RHD: variants seen among roughly 807,000 people sequenced by gnomAD.
RHD encodes Rh blood group D antigen.
A neutral mutation model predicts 45.5 loss-of-function variants in RHD; 16 were observed. The ratio of observed to expected loss-of-function variants is 0.35; its 90% CI spans 0.24 to 0.53. The LOEUF is 0.53. RHD is among the 20% of genes least tolerant of loss of function. RHD has a pLI of 0.92. For missense variants in RHD, 306 were observed against 532.0 expected (o/e 0.58, Z 4.18); for synonymous variants, 131 against 217.5 (o/e 0.60, Z 3.50).
intron 6 of RHD, among the ~76,000 whole-genome samples, chr1:25,304,998 T>C (rs1643685777): frequency 7.5e-6 from 1 of 132,524 alleles, no homozygotes; most frequent in Non-Finnish European, 1.8e-5. Context: ...ATTCAACACA[T>C]ACGTTTTAAC....
intron 1 of RHD, among the ~76,000 whole-genome samples, chr1:25,277,917 A>C (rs889702958): frequency 1.5e-5 from 2 of 132,476 alleles, no homozygotes; most frequent in African/African-American, 5.1e-5. Context: ...CAGGTGATGC[A>C]CCCGCCTTGG....
At chr1:25,305,794 G>T (rs1432966881) in intron 6 of RHD, among the ~76,000 whole-genome samples, 1 of 130,396 alleles carries the variant, frequency 7.7e-6, no homozygotes, top group Non-Finnish European at 1.8e-5. Context: ...TAGAGACGGG[G>T]TTTCACCATG....
rs1243444851 is a variant in RHD at position 25,275,737 on chromosome 1, T to A, written c.148+3042T>A. ...GTGTCAATCTCCAGGCAGGGTCCAT[T>A]GCTACAGTTGACGATAGTGGATGAA... On this transcript the variant is annotated intron_variant, in intron 1 of 9. Transcript: ENST00000328664. Among the ~76,000 whole-genome samples the A allele has an allele frequency of 2.3e-5, 3 of 133,020 alleles. 1 individual carries two copies. Among genetic ancestry groups the A allele is most frequent in the Non-Finnish European group, 5.3e-5 (3 of 56,094 alleles). The allele number at this position is 133,020 out of a possible 152,430, so 87.3% of individuals were successfully genotyped here.
rs143825637 is a variant in RHD, at chr1:25,289,899, A to G, written c.336-742A>G. The stretch of plus-strand genomic sequence containing the variant: ...ACTCCTGAGCATGCTCATTGGTCAA[A>G]GGAAGGAAGGAATCATAATAGCGTT... On this transcript the variant is annotated intron_variant, in intron 2 of 9. Transcript: ENST00000328664. Among the ~76,000 whole-genome samples the G allele has an allele frequency of 5.4e-3, 697 of 130,204 alleles. 94 individuals are homozygous for G. Among genetic ancestry groups the G allele is most frequent in the African/African-American group, 0.015 (580 of 37,490 alleles). The allele number at this position is 130,204 out of a possible 152,430, so 85.4% of individuals were successfully genotyped here. A position where few individuals can be genotyped will look rare whatever the true frequency, so the allele number is the denominator to read the frequency against.
intron 2 of RHD, among the ~76,000 whole-genome samples, chr1:25,286,658 C>T (rs562950262): frequency 2.2e-5 from 3 of 133,988 alleles, no homozygotes; most frequent in East Asian, 1.9e-4. Flanking sequence ...TGGTGGTGGG[C>T]GCCTGTAGTC....
intron 1 of RHD, among the ~76,000 whole-genome samples, chr1:25,281,578 A>G (rs1247751512): frequency 7.6e-6 from 1 of 131,904 alleles, no homozygotes; most frequent in African/African-American, 2.6e-5. Context: ...CTTCATATAC[A>G]TATTTCCTGC....
intron 2 of RHD, among the ~76,000 whole-genome samples, chr1:25,288,579 A>G (rs1297807736): frequency 8.0e-6 from 1 of 125,628 alleles, no homozygotes; most frequent in African/African-American, 2.8e-5. Flanking sequence ...ACGTATATCA[A>G]CTCACTTTGC....
At chr1:25,297,875 G>T (rs1316154330) in intron 3 of RHD, among the ~76,000 whole-genome samples, 1 of 131,534 alleles carries the variant, frequency 7.6e-6, no homozygotes, top group East Asian at 1.9e-4. Flanking sequence ...CCAAGGGCAG[G>T]AGGTGCTGCC....
intron 6 of RHD, among the ~76,000 whole-genome samples, chr1:25,303,730 G>A (rs191247400): frequency 7.6e-5 from 10 of 131,500 alleles, no homozygotes; most frequent in Non-Finnish European, 1.6e-4. Context: ...TCAAGGACAG[G>A]GACTGGAGTG....
At chr1:25,287,214 G>A (rs569017111) in intron 2 of RHD, among the ~76,000 whole-genome samples, 5 of 135,618 alleles carry the variant, frequency 3.7e-5, no homozygotes, top group South Asian at 2.2e-4. Flanking sequence ...GGCACCCTGG[G>A]GGATTTCAAA....
In RHD at chr1:25,313,009, GC is replaced by G. The variant is rs1644251475; in HGVS notation, c.1074-3990del. Among the ~76,000 whole-genome samples the G allele has an allele frequency of 1.7e-5, 2 of 119,256 alleles. 1 individual carries two copies. The highest frequency in any genetic ancestry group is 3.9e-5 in the Non-Finnish European group (2 of 51,806). 78.2% of individuals were successfully genotyped at this position (119,256 alleles called of 152,430 possible). Reference sequence around the variant, plus strand: ...TGTAAGAAGGACATGCATTTTGGGGGCTGGGGCAGGATGCTGTGGTTTGAAT... The same window carrying G: ...TGTAAGAAGGACATGCATTTTGGGGGTGGGGCAGGATGCTGTGGTTTGAAT... On this transcript the variant is annotated intron_variant, in intron 7 of 9. Transcript: ENST00000328664.
rs1378803935 is a variant in RHD at position 25,316,012 on chromosome 1, A to G, written c.1074-988A>G. ...TTAAAAATGAGAACATGAGCTGCCCACCTGTTGAGACAAGAAACAGGAAAG... is the reference window on the plus strand; with the variant it reads ...TTAAAAATGAGAACATGAGCTGCCCGCCTGTTGAGACAAGAAACAGGAAAG... On this transcript the variant is annotated intron_variant, in intron 7 of 9. Coordinates refer to ENST00000328664, the MANE Select transcript of RHD (RefSeq NM_016124.6). Among the ~76,000 whole-genome samples the G allele has an allele frequency of 1.5e-5, 2 of 130,982 alleles. 1 individual carries two copies. The highest frequency in any genetic ancestry group is 5.3e-5 in the African/African-American group (2 of 37,994). 85.9% of individuals were successfully genotyped at this position (130,982 alleles called of 152,430 possible). A position where few individuals can be genotyped will look rare whatever the true frequency, so the allele number is the denominator to read the frequency against.
Position 25,284,731 on chromosome 1 carries a change from T to C in RHD, c.307T>C (p.Ser103Pro), listed in dbSNP as rs1132760. The C allele has an allele frequency of 3.2e-5, 45 of 1,388,728 alleles. 7 individuals carry two copies. In the African/African-American group the frequency reaches 3.5e-4, roughly 11 times the overall value. 86.0% of individuals were successfully genotyped at this position (1,388,728 alleles called of 1,614,324 possible). ...GGACGGCTTCCTGAGCCAGTTCCCT[T>C]CTGGGAAGGTGGTCATCACACTGTT... is the stretch of plus-strand genomic sequence containing the variant. ...LLDGFLSQFPSGKVVITLFSI... is the reference protein window; with the variant it reads ...LLDGFLSQFPPGKVVITLFSI... The change falls in exon 2 of 10, where the codon TCT becomes CCT. Residue 103 changes from serine to proline, a missense_variant. Coordinates refer to ENST00000328664, the MANE Select transcript of RHD (RefSeq NM_016124.6).
intron 7 of RHD, among the ~76,000 whole-genome samples, chr1:25,309,685 A>T (rs1405170811): frequency 1.5e-5 from 2 of 131,724 alleles, no homozygotes; most frequent in African/African-American, 5.2e-5. Flanking sequence ...CCTAGTTTGA[A>T]TCCCAAGAGC....
rs745442054 is a variant in RHD at position 25,328,878 on chromosome 1, TG to T, written c.1228-19del. Reference sequence around the variant, plus strand: ...TATGTGGGTTCATCTGCAATAAAAATGTTTGTTTTGCTTTTACAGTTTCCTC... The same window carrying T: ...TATGTGGGTTCATCTGCAATAAAAATTTTGTTTTGCTTTTACAGTTTCCTC... On this transcript the variant is annotated intron_variant, in intron 9 of 9. Transcript: ENST00000328664. 1.8e-6 allele frequency: 2 copies of T among 1,133,234 alleles called. No homozygotes were observed. The highest frequency in any genetic ancestry group is 2.6e-6 in the Non-Finnish European group (2 of 770,634). The allele number at this position is 1,133,234 out of a possible 1,614,324, so 70.2% of individuals were successfully genotyped here.
intron 7 of RHD, among the ~76,000 whole-genome samples, chr1:25,310,161 T>G (rs1644064130): frequency 7.5e-6 from 1 of 132,994 alleles, no homozygotes; most frequent in African/African-American, 2.5e-5. Flanking sequence ...CAGTTTTGTC[T>G]GTTTTTGTAC....
rs1200510989 is a variant in RHD at position 25,295,744 on chromosome 1, G to T, written c.486+4953G>T. 9.2e-5 allele frequency among the ~76,000 whole-genome samples: 10 copies of T among 108,870 alleles called. 2 individuals are homozygous for T. Among genetic ancestry groups the T allele is most frequent in the African/African-American group, 2.7e-4 (9 of 33,098 alleles). The allele number at this position is 108,870 out of a possible 152,430, so 71.4% of individuals were successfully genotyped here. A position where few individuals can be genotyped will look rare whatever the true frequency, so the allele number is the denominator to read the frequency against. On this transcript the variant is annotated intron_variant, in intron 3 of 9. Transcript: ENST00000328664. ...TCAGTGACCAAGAGGCGGCCGGGAG[G>T]CTGAGACCACAGCAAGAAAGGGAGA... is the stretch of plus-strand genomic sequence containing the variant.
rs1158356366 is a variant in RHD at position 25,303,109 on chromosome 1, T to C, written c.802-213T>C. Among the ~76,000 whole-genome samples, 3 of 132,122 alleles carry C rather than the reference T, an allele frequency of 2.3e-5. No homozygotes were observed. The South Asian group carries it at 6.9e-4, about 30-fold the overall frequency. The allele number at this position is 132,122 out of a possible 152,430, so 86.7% of individuals were successfully genotyped here. A position where few individuals can be genotyped will look rare whatever the true frequency, so the allele number is the denominator to read the frequency against. On this transcript the variant is annotated intron_variant, in intron 5 of 9. Transcript: ENST00000328664. ...CTAAATGCTGCACAATCAGGGTAAC[T>C]GTGCCCTGAGCCTAAGAGGCAGTAG...
At position 25,321,962 on chromosome 1, in the gene RHD, G is replaced by A. The variant is rs549616139; in HGVS notation, c.1227G>A (p.Lys409=). The A allele has an allele frequency of 2.2e-4, 287 of 1,297,700 alleles. 13 individuals carry two copies. The East Asian group carries it at 5.7e-3, about 26-fold the overall frequency. 80.4% of individuals were successfully genotyped at this position (1,297,700 alleles called of 1,614,324 possible). ...ATTTTGATGACCAAGTTTTCTGGAA[G>A]GTAAGATTTTTCACCTATTAACGTG... ...AKYFDDQVFW[K]FPHLAVGF is the part of the protein sequence containing the mutation. Residue 409 remains lysine (K), a splice_region_variant and synonymous_variant, in exon 9 of 10, where the codon AAG becomes AAA. Coordinates refer to ENST00000328664, the MANE Select transcript of RHD (RefSeq NM_016124.6).
Sources: gnomAD v4.1 joint callset for allele counts (sites outside exome capture counted in the v4.1 genomes callset) on GRCh38, gnomAD v4.1.1 for gene constraint, MANE v1.5 for transcripts, NCBI Gene and HGNC (gene_info 2026-07-23, HGNC 2026-07-21) for gene names.